The following KDM2A variants were observed in gnomAD, a reference collection of about 807,000 sequenced individuals.
The protein encoded by KDM2A is lysine demethylase 2A.
A neutral mutation model predicts 137.3 loss-of-function variants in KDM2A; 3 were observed. The observed-to-expected ratio is 0.02, with a 90% CI of 0.01 to 0.06. The LOEUF (loss-of-function observed/expected upper bound fraction) is 0.06, where lower values mean the gene tolerates loss of function less well. Ranked by LOEUF, KDM2A falls within the 10% of genes least tolerant of loss-of-function variation. The pLI is 1.00. For synonymous variants in KDM2A, 512 were observed against 541.5 expected (o/e 0.95, Z 0.76); for missense variants, 738 against 1,510.6 (o/e 0.49, Z 8.48).
At chr11:67,161,326 T>G (rs900720275) in intron 2 of KDM2A, among the ~76,000 whole-genome samples, 2 of 152,240 alleles carry the variant, frequency 1.3e-5, no homozygotes, top group Admixed American at 6.5e-5. Flanking sequence ...CGTGAAACCT[T>G]TGAATTGTCT....
At chr11:67,205,997 C>T (rs1381268944) in intron 5 of KDM2A, among the ~76,000 whole-genome samples, 2 of 152,170 alleles carry the variant, frequency 1.3e-5, no homozygotes, top group African/African-American at 4.8e-5. Context: ...GCCGCTTGAG[C>T]ACCTACTTTG....
intron 2 of KDM2A, among the ~76,000 whole-genome samples, chr11:67,178,937 C>T (rs943262004): frequency 1.9e-4 from 29 of 152,168 alleles, no homozygotes; most frequent in African/African-American, 2.4e-4. Flanking sequence ...ATTGTTAAGT[C>T]GTACGATAAC....
chr11:67,165,282 C>G (rs646834), intron 2 of KDM2A, among the ~76,000 whole-genome samples: 1 of 151,894 alleles, frequency 6.6e-6, no homozygotes, highest in Non-Finnish European at 1.5e-5. Flanking sequence ...GCCGCCACAC[C>G]TGGCTAATTT....
chr11:67,171,236 G>T (rs1856876754), intron 2 of KDM2A, among the ~76,000 whole-genome samples: 1 of 152,180 alleles, frequency 6.6e-6, no homozygotes, highest in African/African-American at 2.4e-5. Flanking sequence ...CCCTAAGAGA[G>T]CTACTTGCCA....
intron 2 of KDM2A, among the ~76,000 whole-genome samples, chr11:67,168,193 A>G (rs1776684717): frequency 6.6e-6 from 1 of 152,140 alleles, no homozygotes. Flanking sequence ...TAAAATTTGA[A>G]GAGATCACTG....
At chr11:67,160,998 G>A (rs1473493199) in intron 2 of KDM2A, among the ~76,000 whole-genome samples, 1 of 152,050 alleles carries the variant, frequency 6.6e-6, no homozygotes, top group African/African-American at 2.4e-5. Context: ...AGGAAAGAAC[G>A]CCTTTATTTG....
chr11:67,156,832 T>C (rs1399018788), intron 2 of KDM2A, among the ~76,000 whole-genome samples: 2 of 150,812 alleles, frequency 1.3e-5, no homozygotes, highest in Non-Finnish European at 2.9e-5. Flanking sequence ...GAGGTTGCAG[T>C]GAGCCGAGAT....
At chr11:67,164,382 G>GT (rs1173374722) in intron 2 of KDM2A, among the ~76,000 whole-genome samples, 3 of 152,144 alleles carry the variant, frequency 2.0e-5, no homozygotes, top group African/African-American at 7.2e-5. Flanking sequence ...ATCTGGAGAA[G>GT]TTTAACAGAG....
At chr11:67,125,799 C>T (rs964868852) in intron 2 of KDM2A, among the ~76,000 whole-genome samples, 4 of 150,758 alleles carry the variant, frequency 2.7e-5, no homozygotes, top group African/African-American at 9.8e-5. Context: ...AAAAAATTAG[C>T]CGGGCGTGGT....
chr11:67,167,606 G>A lies in KDM2A; in HGVS notation c.43-12473G>A, dbSNP rs112827994. 5.6e-3 allele frequency among the ~76,000 whole-genome samples: 850 copies of A among 150,914 alleles called. 3 individuals carry two copies. Among genetic ancestry groups the A allele is most frequent in the African/African-American group, 0.02 (829 of 41,090 alleles). Reference sequence around the variant, plus strand: ...GCTATCTTTTTTTTTTTCCTTAAAGGTCCTACTGACTAAATATTTTTTTTT... The same window carrying A: ...GCTATCTTTTTTTTTTTCCTTAAAGATCCTACTGACTAAATATTTTTTTTT... On this transcript the variant is annotated intron_variant, in intron 2 of 20. Transcript: ENST00000529006.
At chr11:67,177,705 GA>G (rs1238640872) in intron 2 of KDM2A, among the ~76,000 whole-genome samples, 15 of 144,162 alleles carry the variant, frequency 1.0e-4, no homozygotes, top group East Asian at 1.0e-3. Flanking sequence ...TTAATATTAA[GA>G]AAAAAAAAAG....
chr11:67,190,283 G>A (rs1249293851), intron 5 of KDM2A, among the ~76,000 whole-genome samples: 1 of 151,864 alleles, frequency 6.6e-6, no homozygotes, highest in Admixed American at 6.5e-5. Context: ...GGTGGTACAT[G>A]CCTGTAATCC....
intron 12 of KDM2A, chr11:67,240,377 G>T (rs1197754516): frequency 6.5e-7 from 1 of 1,533,748 alleles, no homozygotes; most frequent in Non-Finnish European, 8.7e-7. Context: ...AAGGTCAGGG[G>T]GTCGATCGGC....
At chr11:67,151,013 TGTGATATTCTCCTTTGCTTGGA>T (rs1158312660) in intron 2 of KDM2A, among the ~76,000 whole-genome samples, 1 of 152,128 alleles carries the variant, frequency 6.6e-6, no homozygotes, top group Non-Finnish European at 1.5e-5. Flanking sequence ...GCAGTAGAGA[TGTGATATTCTCCTTTGCTTGGA>T]GGATATCATG....
chr11:67,149,557 T>G (rs973115339), intron 2 of KDM2A, among the ~76,000 whole-genome samples: 2 of 152,164 alleles, frequency 1.3e-5, no homozygotes, highest in South Asian at 2.1e-4. Flanking sequence ...GCCACCTTAA[T>G]CCTAACCCCT....
In KDM2A at chr11:67,254,110, G is replaced by T; in HGVS notation, c.3092-93G>T. ...AGTTCTACTTAACCCCTTCAAGGGG[G>T]CCTGGCCAGCAAGTAGCTGTTGCTG... On this transcript the variant is annotated intron_variant, in intron 19 of 20. Transcript: ENST00000529006. The surrounding 1 kb of genome is among the most constrained non-coding windows in gnomAD (Gnocchi z 4.7). 1.7e-6 allele frequency: 2 copies of T among 1,145,540 alleles called. No individual in the cohort carries two copies. The highest frequency in any genetic ancestry group is 2.5e-6 in the Non-Finnish European group (2 of 804,038). 71.0% of individuals were successfully genotyped at this position (1,145,540 alleles called of 1,614,324 possible). A position where few individuals can be genotyped will look rare whatever the true frequency, so the allele number is the denominator to read the frequency against.
intron 2 of KDM2A, among the ~76,000 whole-genome samples, chr11:67,169,759 C>CTCTCTATCTCTT (rs756503460): frequency 1.5e-5 from 1 of 65,696 alleles, no homozygotes; most frequent in Non-Finnish European, 2.4e-5. Flanking sequence ...CTCTCTCTCT[C>CTCTCTATCTCTT]TTTTTTTTTT....
intron 2 of KDM2A, among the ~76,000 whole-genome samples, chr11:67,175,390 C>T (rs1041736156): frequency 4.6e-5 from 7 of 152,138 alleles, no homozygotes; most frequent in Non-Finnish European, 1.0e-4. Flanking sequence ...GAGCTGTGAT[C>T]GTGCCACTGC....
At chr11:67,143,706 C>T (rs1054168193) in intron 2 of KDM2A, among the ~76,000 whole-genome samples, 3 of 151,982 alleles carry the variant, frequency 2.0e-5, no homozygotes, top group African/African-American at 7.2e-5. Flanking sequence ...GATCTTGGCT[C>T]ACTGCAACCT....
Sources: allele counts gnomAD v4.1 joint callset (sites outside exome capture counted in the v4.1 genomes callset), GRCh38; gene constraint gnomAD v4.1.1; non-coding constraint Gnocchi (gnomAD v3.1); transcripts MANE v1.5; gene names NCBI Gene and HGNC (gene_info 2026-07-23, HGNC 2026-07-21).